SLC7A14: variants seen among roughly 807,000 people sequenced by gnomAD.
The protein encoded by SLC7A14 is solute carrier family 7 member 14.
A neutral mutation model predicts 60.2 loss-of-function variants in SLC7A14; 37 were observed. The ratio of observed to expected loss-of-function variants is 0.61; its 90% CI spans 0.47 to 0.81. The LOEUF is 0.81. SLC7A14 is among the 30% of genes least tolerant of loss of function. The pLI is 0.00. For synonymous variants in SLC7A14, 399 were observed against 395.8 expected (o/e 1.01, Z -0.10); for missense variants, 886 against 982.7 (o/e 0.90, Z 1.32).
At chr3:170,544,392 A>G (rs1039817614) in intron 1 of SLC7A14, among the ~76,000 whole-genome samples, 1 of 152,176 alleles carries the variant, frequency 6.6e-6, no homozygotes, top group Admixed American at 6.5e-5. Context: ...GGAGGCTAAA[A>G]ACTGAGAGAT....
intron 1 of SLC7A14, among the ~76,000 whole-genome samples, chr3:170,562,453 G>A (rs1315994356): frequency 6.7e-6 from 1 of 149,826 alleles, no homozygotes; most frequent in Non-Finnish European, 1.5e-5. Context: ...GGATGCAAAG[G>A]CATAAAAATG....
At chr3:170,538,429 C>A (rs1008425626) in intron 1 of SLC7A14, among the ~76,000 whole-genome samples, 17 of 152,178 alleles carry the variant, frequency 1.1e-4, no homozygotes, top group Non-Finnish European at 1.3e-4. Flanking sequence ...AAAGAGTCTG[C>A]ATTTTAAGTC....
intron 1 of SLC7A14, among the ~76,000 whole-genome samples, chr3:170,570,932 C>T (rs1714936566): frequency 6.6e-6 from 1 of 152,054 alleles, no homozygotes; most frequent in South Asian, 2.1e-4. Context: ...TTTAGTGCAC[C>T]CATCACCCAA....
chr3:170,481,396 T>C (rs895706581), intron 6 of SLC7A14, among the ~76,000 whole-genome samples: 1 of 150,146 alleles, frequency 6.7e-6, no homozygotes, highest in Admixed American at 6.6e-5. Flanking sequence ...TTTCTTTTTT[T>C]TTTTTTTTTT....
chr3:170,495,989 T>A (rs1301767448), intron 4 of SLC7A14: 8 of 1,159,840 alleles, frequency 6.9e-6, no homozygotes, highest in Non-Finnish European at 9.1e-6. Flanking sequence ...TCAATAAGCG[T>A]ACAGAAACGG....
chr3:170,550,814 G>A (rs947551426), intron 1 of SLC7A14, among the ~76,000 whole-genome samples: 9 of 151,896 alleles, frequency 5.9e-5, no homozygotes, highest in South Asian at 2.1e-4. Flanking sequence ...GAGACACCGC[G>A]CCCAACCATC....
rs185402530 is a variant in SLC7A14, at chr3:170,504,333, T to A, written c.305-2988A>T. Among the ~76,000 whole-genome samples, 665 of 152,214 alleles carry A rather than the reference T, an allele frequency of 4.4e-3. 10 individuals are homozygous for A. The highest frequency in any genetic ancestry group is 0.015 in the African/African-American group (629 of 41,528). ...TTTTATTTTTTTAATTTTTTTTAAA[T>A]TTTTTTAGATGGAGTTTCACTCTGT... On this transcript the variant is annotated intron_variant, in intron 2 of 7. Coordinates refer to ENST00000231706, the MANE Select transcript of SLC7A14 (RefSeq NM_020949.3).
rs202144746 is a variant in SLC7A14 at position 170,526,765 on chromosome 3, G to C, written c.172C>G (p.Leu58Val). ...CAGCTGCCAACGCCAAGAGAGATGAGGTCCACTGTGGTGAGTACCTGGGCT... is the reference window on the plus strand; with the variant it reads ...CAGCTGCCAACGCCAAGAGAGATGACGTCCACTGTGGTGAGTACCTGGGCT... ...KLAQVLTTVD[L>V]ISLGVGSCVG... Residue 58 changes from leucine (L) to valine (V), a missense_variant, in exon 2 of 8, where the codon CTC (leucine) becomes GTC (valine). Coordinates refer to ENST00000231706, the MANE Select transcript of SLC7A14 (RefSeq NM_020949.3). 9.3e-6 allele frequency: 15 copies of C among 1,614,116 alleles called. No individual in the cohort carries two copies. Among genetic ancestry groups the C allele is most frequent in the Non-Finnish European group, 1.2e-5 (14 of 1,180,054 alleles).
At chr3:170,477,143 C>CAG (rs1182630095) in intron 7 of SLC7A14, among the ~76,000 whole-genome samples, 1 of 152,216 alleles carries the variant, frequency 6.6e-6, no homozygotes, top group Non-Finnish European at 1.5e-5. Flanking sequence ...TGCTCAGAGG[C>CAG]ACCCTGGTGG....
Position 170,487,558 on chromosome 3 carries a change from C to T in SLC7A14, c.760-1190G>A, listed in dbSNP as rs569235736. ...AACGTGTGCCAAGCTGACACTTGTC[C>T]AAAATTGTCACTCTTACTTTCCTCA... On this transcript the variant is annotated intron_variant, in intron 4 of 7. Coordinates refer to ENST00000231706, the MANE Select transcript of SLC7A14 (RefSeq NM_020949.3). Among the ~76,000 whole-genome samples the T allele has an allele frequency of 9.2e-5, 14 of 152,188 alleles. No homozygotes were observed. The East Asian group carries it at 2.7e-3, about 29-fold the overall frequency.
At chr3:170,489,962 G>C (rs1359258075) in intron 4 of SLC7A14, among the ~76,000 whole-genome samples, 2 of 151,276 alleles carry the variant, frequency 1.3e-5, no homozygotes, top group Non-Finnish European at 2.9e-5. Context: ...TTGGGGGCTG[G>C]ACGGGGGGAG....
intron 1 of SLC7A14, among the ~76,000 whole-genome samples, chr3:170,575,755 A>G (rs1376843413): frequency 1.3e-5 from 2 of 152,216 alleles, no homozygotes; most frequent in African/African-American, 4.8e-5. Context: ...GGTTTTAACT[A>G]CTTCAACTGT....
chr3:170,551,273 C>T (rs1440807033), intron 1 of SLC7A14, among the ~76,000 whole-genome samples: 1 of 152,106 alleles, frequency 6.6e-6, no homozygotes, highest in Non-Finnish European at 1.5e-5. Context: ...ATGGCTATAC[C>T]ATATTTTGTT....
chr3:170,550,512 A>ATTTTTTTTTTTTTTTTTTTTT lies in SLC7A14; in HGVS notation c.-152-23445_-152-23425dup, dbSNP rs369436642. The stretch of plus-strand genomic sequence containing the variant: ...TAAACCTAATGCCATCTTTCCTTGA[A>ATTTTTTTTTTTTTTTTTTTTT]TTTTTTTTTTTTTTTTTTTTTTTTT... On this transcript the variant is annotated intron_variant, in intron 1 of 7. Transcript: ENST00000231706. 4.5e-4 allele frequency among the ~76,000 whole-genome samples: 27 copies of ATTTTTTTTTTTTTTTTTTTTT among 60,612 alleles called. 6 individuals carry two copies. Among genetic ancestry groups the ATTTTTTTTTTTTTTTTTTTTT allele is most frequent in the African/African-American group, 1.4e-3 (16 of 11,470 alleles). 39.8% of individuals were successfully genotyped at this position (60,612 alleles called of 152,430 possible). A position where few individuals can be genotyped will look rare whatever the true frequency, so the allele number is the denominator to read the frequency against.
rs151285054 is a variant in SLC7A14, at chr3:170,540,321, G to C, written c.-152-13233C>G. 8.2e-3 allele frequency among the ~76,000 whole-genome samples: 1,242 copies of C among 152,222 alleles called. 18 individuals are homozygous for C. Among genetic ancestry groups the C allele is most frequent in the African/African-American group, 0.029 (1,184 of 41,514 alleles). On this transcript the variant is annotated intron_variant, in intron 1 of 7. Coordinates refer to ENST00000231706, the MANE Select transcript of SLC7A14 (RefSeq NM_020949.3). The stretch of plus-strand genomic sequence containing the variant: ...AAATATTAAAATTTAGTTAGGTTTA[G>C]AGCTATACTTATCAATGTAGAAGTT...
At chr3:170,468,860 C>T (rs939357147) in intron 7 of SLC7A14, among the ~76,000 whole-genome samples, 1 of 152,222 alleles carries the variant, frequency 6.6e-6, no homozygotes, top group Non-Finnish European at 1.5e-5. Context: ...TGGTGGTTCT[C>T]AACCCTGGCT....
intron 1 of SLC7A14, among the ~76,000 whole-genome samples, chr3:170,578,191 G>A (rs1577576736): frequency 6.6e-6 from 1 of 152,368 alleles, no homozygotes; most frequent in East Asian, 1.9e-4. Context: ...CACACATTCT[G>A]GGAAGAGGCA....
intron 1 of SLC7A14, among the ~76,000 whole-genome samples, chr3:170,550,908 A>G (rs935901241): frequency 2.0e-5 from 3 of 152,192 alleles, no homozygotes; most frequent in African/African-American, 4.8e-5. Context: ...CACATACTAT[A>G]AAATTCATCC....
At chr3:170,570,945 A>T (rs1204613425) in intron 1 of SLC7A14, among the ~76,000 whole-genome samples, 3 of 152,046 alleles carry the variant, frequency 2.0e-5, no homozygotes, top group African/African-American at 7.3e-5. Flanking sequence ...TCACCCAAAT[A>T]GTGTGCATTG....
Sources: gnomAD v4.1 joint callset for allele counts (sites outside exome capture counted in the v4.1 genomes callset) on GRCh38, gnomAD v4.1.1 for gene constraint, MANE v1.5 for transcripts, NCBI Gene and HGNC (gene_info 2026-07-23, HGNC 2026-07-21) for gene names.